Variants in CTSH observed in about 807,000 individuals in gnomAD.
CTSH encodes pro-cathepsin H.
In CTSH, 52 loss-of-function variants were observed where a neutral mutation model predicts 56.3. The ratio of observed to expected loss-of-function variants is 0.92; its 90% CI spans 0.74 to 1.16. CTSH has a LOEUF of 1.16. Among genes scored for constraint, CTSH ranks in the 50% most tolerant of loss-of-function variants. CTSH has a pLI of 0.00. For missense variants in CTSH, 406 were observed against 424.5 expected, an observed-to-expected ratio of 0.96 and a Z score of 0.38; for synonymous variants, 174 against 155.7, an observed-to-expected ratio of 1.12 and a Z score of -0.88.
intron 2 of CTSH, chr15:78,937,691 AC>A: frequency 7.3e-7 from 1 of 1,378,494 alleles, no homozygotes; most frequent in African/African-American, 1.4e-5. Context: ...CAAACCTGCC[AC>A]ATGTGGGGCA....
At chr15:78,935,447 A>G (rs1224693107) in intron 4 of CTSH, among the ~76,000 whole-genome samples, 1 of 152,242 alleles carries the variant, frequency 6.6e-6, no homozygotes, top group African/African-American at 2.4e-5. Context: ...TTAACTGAGT[A>G]TCTATATTTT....
intron 1 of CTSH, among the ~76,000 whole-genome samples, chr15:78,940,757 A>ATGACCAACT (rs1355006269): frequency 6.6e-6 from 1 of 151,928 alleles, no homozygotes; most frequent in African/African-American, 2.4e-5. Context: ...TCAGGAGCTC[A>ATGACCAACT]TGACCAACTT....
chr15:78,928,176 G>A (rs1219935787), intron 8 of CTSH, among the ~76,000 whole-genome samples: 1 of 152,160 alleles, frequency 6.6e-6, no homozygotes, highest in Non-Finnish European at 1.5e-5. Context: ...CCCTTTCAAG[G>A]CAGGAGAGAA....
chr15:78,922,243 T>C, intron 11 of CTSH, 38 bp from the exon 12 acceptor site: 1 of 1,517,722 alleles, frequency 6.6e-7, no homozygotes, highest in Non-Finnish European at 9.0e-7. Flanking sequence ...GCCGGCGGTC[T>C]CCCCACCACA....
At chr15:78,942,958 T>C (rs1596293916) in intron 1 of CTSH, among the ~76,000 whole-genome samples, 2 of 152,238 alleles carry the variant, frequency 1.3e-5, no homozygotes, top group Admixed American at 1.3e-4. Context: ...TTCCTCAACA[T>C]GGCTCCCTTT....
At position 78,937,344 on chromosome 15, in the gene CTSH, T is replaced by C; in HGVS notation, c.203A>G (p.His68Arg). The C allele has an allele frequency of 6.8e-6, 11 of 1,614,092 alleles. No individual in the cohort carries two copies. Among genetic ancestry groups the C allele is most frequent in the Non-Finnish European group, 9.3e-6 (11 of 1,179,972 alleles). Residue 68 changes from histidine to arginine, a missense_variant, in exon 3 of 12, where the codon CAC (histidine) becomes CGC (arginine). His to Arg is a conservative substitution (Grantham distance 29, BLOSUM62 0). Coordinates refer to ENST00000220166, the MANE Select transcript of CTSH (RefSeq NM_004390.5). ...FASNWRKINA[H>R]NNGNHTFKMA... is the part of the protein sequence containing the mutation. ...TTTAAATGTGTGGTTCCCATTGTTGTGGGCGTTTATCTTCCTCCAGTTGCT... is the reference window on the plus strand; with the variant it reads ...TTTAAATGTGTGGTTCCCATTGTTGCGGGCGTTTATCTTCCTCCAGTTGCT...
chr15:78,932,116 C>T (rs1452284664), intron 6 of CTSH: 18 of 1,250,530 alleles, frequency 1.4e-5, no homozygotes, highest in Non-Finnish European at 1.9e-5. Flanking sequence ...GCCGGGAAGG[C>T]TCCAGGCTGT....
chr15:78,929,553 CG>C, intron 7 of CTSH, 60 bp from the exon 8 acceptor site: 1 of 1,219,318 alleles, frequency 8.2e-7, no homozygotes, highest in Non-Finnish European at 1.2e-6. Flanking sequence ...GCGGGGCCCT[CG>C]GGGACTGGCG....
At chr15:78,937,521 T>C in intron 2 of CTSH, 98 bp from the exon 3 acceptor site, 1 of 1,372,902 alleles carries the variant, frequency 7.3e-7, no homozygotes, top group South Asian at 1.3e-5. Flanking sequence ...GAAGGTTTTC[T>C]TTCTGCTATG....
At chr15:78,940,946 C>T (rs978572080) in intron 1 of CTSH, among the ~76,000 whole-genome samples, 7 of 151,582 alleles carry the variant, frequency 4.6e-5, no homozygotes, top group South Asian at 2.1e-4. Context: ...GTGACAAGAG[C>T]GAAACTCCAT....
chr15:78,932,136 G>A (rs763977643), intron 6 of CTSH: 95 of 1,119,560 alleles, frequency 8.5e-5, no homozygotes, highest in Non-Finnish European at 1.0e-4. Flanking sequence ...TCAAGCTAAG[G>A]ACCACCCAGA....
intron 7 of CTSH, 107 bp from the exon 8 acceptor site, chr15:78,929,600 G>A: frequency 1.4e-6 from 1 of 692,232 alleles, no homozygotes; most frequent in Non-Finnish European, 2.4e-6. Context: ...TGGGGACTTG[G>A]TTGGGCATGT....
chr15:78,926,053 A>G (rs1290948125), intron 9 of CTSH: 1 of 152,610 alleles, frequency 6.6e-6, no homozygotes, highest in Non-Finnish European at 1.5e-5. Flanking sequence ...GACCAACTAC[A>G]ACAGTATCTG....
intron 1 of CTSH, 55 bp downstream of exon 1, chr15:78,944,836 A>C (rs1416200584): frequency 6.6e-7 from 1 of 1,507,442 alleles, no homozygotes; most frequent in Non-Finnish European, 8.9e-7. Context: ...AAGTTCTCCC[A>C]GCGTCCACTC....
intron 1 of CTSH, among the ~76,000 whole-genome samples, chr15:78,941,887 T>C (rs2055302390): frequency 6.6e-6 from 1 of 152,216 alleles, no homozygotes; most frequent in South Asian, 2.1e-4. Context: ...TATTATACAT[T>C]ATGAAAAGTA....
At chr15:78,934,526 C>T (rs755081487) in intron 5 of CTSH, among the ~76,000 whole-genome samples, 63 of 152,360 alleles carry the variant, frequency 4.1e-4, no homozygotes, top group Non-Finnish European at 7.1e-4. Flanking sequence ...GAGGCCAGCC[C>T]CTGCCATGAG....
intron 7 of CTSH, among the ~76,000 whole-genome samples, chr15:78,930,960 C>G (rs1349451589): frequency 6.6e-6 from 1 of 152,198 alleles, no homozygotes; most frequent in Non-Finnish European, 1.5e-5. Flanking sequence ...TCCTGGCAAC[C>G]TGCTTTACAG....
intron 9 of CTSH, chr15:78,926,697 A>T (rs2054910264): frequency 6.6e-6 from 1 of 152,198 alleles, no homozygotes; most frequent in African/African-American, 2.4e-5. Context: ...GGAATGACAC[A>T]TTCTTAGTTC....
intron 1 of CTSH, among the ~76,000 whole-genome samples, chr15:78,942,015 T>C (rs1046089937): frequency 2.0e-5 from 3 of 152,160 alleles, no homozygotes; most frequent in Non-Finnish European, 4.4e-5. Context: ...TATTGTTTGG[T>C]TGAGAAAAGG....
Sources: allele counts gnomAD v4.1 joint callset (sites outside exome capture counted in the v4.1 genomes callset), GRCh38; gene constraint gnomAD v4.1.1; transcripts MANE v1.5; gene names NCBI Gene and HGNC (gene_info 2026-07-23, HGNC 2026-07-21).